GREM2: variants seen among roughly 807,000 people sequenced by gnomAD.
GREM2 encodes gremlin 2, DAN family BMP antagonist, also known as gremlin-2.
In GREM2, 11 loss-of-function variants were observed where a neutral mutation model predicts 14.2. The ratio of observed to expected loss-of-function variants is 0.78; its 90% CI spans 0.49 to 1.28. The LOEUF is 1.28. Among genes scored for constraint, GREM2 ranks in the 50% most tolerant of loss-of-function variants. The pLI is 0.00. For missense variants in GREM2, 210 were observed against 218.5 expected, an observed-to-expected ratio of 0.96 and a Z score of 0.24; for synonymous variants, 98 against 97.6, an observed-to-expected ratio of 1.00 and a Z score of -0.02.
intron 1 of GREM2, among the ~76,000 whole-genome samples, chr1:240,526,260 G>C (rs1188695843): frequency 1.3e-5 from 2 of 152,152 alleles, no homozygotes; most frequent in Non-Finnish European, 2.9e-5. Context: ...CCAGGTGGTG[G>C]ACAATTCATC....
rs543330697 is a variant in GREM2, at chr1:240,573,777, A to C, written c.-2+38107T>G. On this transcript the variant is annotated intron_variant, in intron 1 of 1. Coordinates refer to ENST00000318160, the MANE Select transcript of GREM2 (RefSeq NM_022469.4). ...CTGTGGAATCTAACAGCTCTGAAAG[A>C]AGTTGCTTTGTTCCTTTCCAGCCTG... 8.1e-4 allele frequency among the ~76,000 whole-genome samples: 123 copies of C among 152,246 alleles called. 2 individuals carry two copies. Among genetic ancestry groups the C allele is most frequent in the African/African-American group, 2.8e-3 (117 of 41,544 alleles).
At chr1:240,609,800 G>A (rs1399322236) in intron 1 of GREM2, among the ~76,000 whole-genome samples, 4 of 152,138 alleles carry the variant, frequency 2.6e-5, no homozygotes, top group Admixed American at 1.3e-4. Context: ...TAAGAACTGA[G>A]AGTCTAATAC....
chr1:240,494,667 C>T (rs1014827521), intron 1 of GREM2, among the ~76,000 whole-genome samples: 1 of 152,044 alleles, frequency 6.6e-6, no homozygotes, highest in Non-Finnish European at 1.5e-5. Context: ...TTTGGGAGGC[C>T]GAGGCAGGCG....
At chr1:240,506,558 T>C (rs1450952802) in intron 1 of GREM2, among the ~76,000 whole-genome samples, 1 of 152,026 alleles carries the variant, frequency 6.6e-6, no homozygotes, top group Non-Finnish European at 1.5e-5. Flanking sequence ...ACTTAAAACA[T>C]GCCAGTGGAT....
At chr1:240,569,156 T>C (rs564357672) in intron 1 of GREM2, among the ~76,000 whole-genome samples, 1 of 152,232 alleles carries the variant, frequency 6.6e-6, no homozygotes, top group East Asian at 1.9e-4. Context: ...GATGTACAAA[T>C]GCGTACATTA....
chr1:240,545,249 T>C (rs1678691497), intron 1 of GREM2, among the ~76,000 whole-genome samples: 1 of 152,230 alleles, frequency 6.6e-6, no homozygotes, highest in African/African-American at 2.4e-5. Context: ...CTTCTGTAAT[T>C]AAGCCTCCGC....
At chr1:240,508,034 C>T (rs557807323) in intron 1 of GREM2, among the ~76,000 whole-genome samples, 4 of 152,268 alleles carry the variant, frequency 2.6e-5, no homozygotes, top group South Asian at 2.1e-4. Flanking sequence ...AGGTACGTGC[C>T]GAGCTGGTGC....
At chr1:240,565,361 TTGAC>T (rs1679156024) in intron 1 of GREM2, among the ~76,000 whole-genome samples, 1 of 152,156 alleles carries the variant, frequency 6.6e-6, no homozygotes, top group Non-Finnish European at 1.5e-5. Context: ...TTGCCAAAAT[TTGAC>T]TGTAACATTT....
intron 1 of GREM2, among the ~76,000 whole-genome samples, chr1:240,573,757 G>A (rs901311670): frequency 5.3e-5 from 8 of 152,126 alleles, no homozygotes; most frequent in African/African-American, 1.7e-4. Flanking sequence ...AGTGACTGTG[G>A]AATCTAACAG....
chr1:240,562,245 T>C (rs1679053896), intron 1 of GREM2, among the ~76,000 whole-genome samples: 2 of 152,142 alleles, frequency 1.3e-5, no homozygotes. Flanking sequence ...AAATGGTCAA[T>C]ATAAACAGAT....
intron 1 of GREM2, among the ~76,000 whole-genome samples, chr1:240,514,387 A>G (rs1267600034): frequency 6.6e-6 from 1 of 152,104 alleles, no homozygotes; most frequent in Non-Finnish European, 1.5e-5. Context: ...CAAGGGTTCT[A>G]TTTTGGCCAT....
intron 1 of GREM2, among the ~76,000 whole-genome samples, chr1:240,606,833 C>T (rs1207275419): frequency 6.6e-6 from 1 of 151,946 alleles, no homozygotes; most frequent in Non-Finnish European, 1.5e-5. Flanking sequence ...CGTGCACCAC[C>T]ATGCCCGGCT....
chr1:240,527,720 C>T (rs1678255394), intron 1 of GREM2, among the ~76,000 whole-genome samples: 1 of 152,192 alleles, frequency 6.6e-6, no homozygotes, highest in African/African-American at 2.4e-5. Context: ...TACCACAGTA[C>T]ACAAATGTGG....
rs368003777 is a variant in GREM2 at position 240,527,456 on chromosome 1, CTTGT to C, written c.-1-33984_-1-33981del. On this transcript the variant is annotated intron_variant, in intron 1 of 1. Coordinates refer to ENST00000318160, the MANE Select transcript of GREM2 (RefSeq NM_022469.4). ...GTGTACTCAGATTTTACAAAAATAC[CTTGT>C]TTAAGGACAATCAAAGAGGACAGGA... Among the ~76,000 whole-genome samples the C allele has an allele frequency of 3.3e-4, 50 of 152,150 alleles. No homozygotes were observed. The East Asian group carries it at 9.5e-3, about 29-fold the overall frequency.
intron 1 of GREM2, among the ~76,000 whole-genome samples, chr1:240,498,816 C>A (rs1286842287): frequency 6.6e-6 from 1 of 152,186 alleles, no homozygotes; most frequent in East Asian, 1.9e-4. Flanking sequence ...TGGCTTGTAT[C>A]AGAAGAAACT....
intron 1 of GREM2, among the ~76,000 whole-genome samples, chr1:240,570,670 G>T (rs1247379879): frequency 6.6e-6 from 1 of 152,150 alleles, no homozygotes; most frequent in East Asian, 1.9e-4. Context: ...TTTAAAGTGA[G>T]AAGGGAACTC....
At chr1:240,526,915 C>A (rs1322377070) in intron 1 of GREM2, among the ~76,000 whole-genome samples, 1 of 152,110 alleles carries the variant, frequency 6.6e-6, no homozygotes. Context: ...GAAACTTGAA[C>A]CTCTAGGATG....
At chr1:240,514,247 CAAAAAAAAAA>C (rs34702912) in intron 1 of GREM2, among the ~76,000 whole-genome samples, 6 of 80,244 alleles carry the variant, frequency 7.5e-5, no homozygotes, top group East Asian at 3.8e-4. Context: ...GATTCCATCT[CAAAAAAAAAA>C]AAAAAAAAAA....
chr1:240,587,990 G>A (rs1572412901), intron 1 of GREM2, among the ~76,000 whole-genome samples: 1 of 152,138 alleles, frequency 6.6e-6, no homozygotes, highest in East Asian at 1.9e-4. Flanking sequence ...ATGGAAAACT[G>A]CTGTGAAACG....
Sources: gnomAD v4.1 joint callset for allele counts (sites outside exome capture counted in the v4.1 genomes callset) on GRCh38, gnomAD v4.1.1 for gene constraint, MANE v1.5 for transcripts, NCBI Gene and HGNC (gene_info 2026-07-23, HGNC 2026-07-21) for gene names.